ARIH2: variants seen among roughly 807,000 people sequenced by gnomAD.
ARIH2 encodes E3 ubiquitin-protein ligase ARIH2.
Under a neutral mutation model 79.8 loss-of-function variants are expected in ARIH2, and 12 were observed. That is an observed-to-expected ratio of 0.15 (90% CI 0.10 to 0.24). ARIH2 has a LOEUF of 0.24. Ranked by LOEUF, ARIH2 falls within the 10% of genes least tolerant of loss-of-function variation. The pLI is 1.00. For missense variants in ARIH2, 301 were observed against 618.3 expected, an observed-to-expected ratio of 0.49 and a Z score of 5.44; for synonymous variants, 224 against 213.9, an observed-to-expected ratio of 1.05 and a Z score of -0.41.
At chr3:48,978,534 G>T (rs1382377959) in intron 11 of ARIH2, among the ~76,000 whole-genome samples, 20 of 142,886 alleles carry the variant, frequency 1.4e-4, no homozygotes, top group Non-Finnish European at 2.4e-4. Flanking sequence ...GGCCAGGCTG[G>T]TCTCAAATTC....
At position 48,927,502 on chromosome 3, in the gene ARIH2, G is replaced by C. The variant is rs1377457199; in HGVS notation, c.-57G>C. 1.3e-6 allele frequency: 2 copies of C among 1,579,708 alleles called. No individual in the cohort carries two copies. The highest frequency in any genetic ancestry group is 2.3e-5 in the South Asian group (2 of 85,228). On this transcript the variant is annotated 5_prime_UTR_variant, in exon 3 of 16. Coordinates refer to ENST00000356401, the MANE Select transcript of ARIH2 (RefSeq NM_006321.4). Reference sequence around the variant, plus strand: ...ATGCATTTGAGAAAGCGGTAGTTTTGGGGGGAGGGGGAAAAAGCAACTGCT... The same window carrying C: ...ATGCATTTGAGAAAGCGGTAGTTTTCGGGGGAGGGGGAAAAAGCAACTGCT...
rs575589405 is a variant in ARIH2, at chr3:48,939,166, C to G, written c.255+11353C>G. ...TATTTTAAGTAGAGGTGGGGTTTCACCATGTTGGCCAGGCTGGTCTTGAAC... is the reference window on the plus strand; with the variant it reads ...TATTTTAAGTAGAGGTGGGGTTTCAGCATGTTGGCCAGGCTGGTCTTGAAC... On this transcript the variant is annotated intron_variant, in intron 3 of 15. Transcript: ENST00000356401. 2.8e-3 allele frequency among the ~76,000 whole-genome samples: 430 copies of G among 152,120 alleles called. 4 individuals are homozygous for G. Among genetic ancestry groups the G allele is most frequent in the African/African-American group, 9.8e-3 (408 of 41,502 alleles).
intron 11 of ARIH2, among the ~76,000 whole-genome samples, chr3:48,977,492 C>CG (rs2092571694): frequency 6.6e-6 from 1 of 151,650 alleles, no homozygotes; most frequent in Non-Finnish European, 1.5e-5. Flanking sequence ...GAGTCTCACT[C>CG]TGTCGCCTGG....
intron 8 of ARIH2, among the ~76,000 whole-genome samples, chr3:48,971,959 T>C (rs1157393458): frequency 6.6e-6 from 1 of 152,166 alleles, no homozygotes; most frequent in Non-Finnish European, 1.5e-5. Context: ...CCGACGAATA[T>C]TGGAGTGTCT....
intron 11 of ARIH2, among the ~76,000 whole-genome samples, chr3:48,978,421 ATGTGTGTGTGTGTG>A (rs1188251261): frequency 3.6e-4 from 20 of 55,758 alleles, no homozygotes; most frequent in Admixed American, 2.6e-3. Flanking sequence ...TAATTTGTGT[ATGTGTGTGTGTGTG>A]TGTGTGTGTG....
In ARIH2 at chr3:48,984,120, G is replaced by C. The variant is rs2092840630; in HGVS notation, c.*850G>C. On this transcript the variant is annotated 3_prime_UTR_variant, in exon 16 of 16. Coordinates refer to ENST00000356401, the MANE Select transcript of ARIH2 (RefSeq NM_006321.4). ...TTGCCTTTTGTCTCCTAAAGATAGG[G>C]ATCTACTTTTGAAGGGAATTGTTCC... The C allele has an allele frequency of 6.6e-6, 1 of 152,584 alleles. No individual in the cohort carries two copies. Among genetic ancestry groups the C allele is most frequent in the African/African-American group, 2.4e-5 (1 of 41,440 alleles). 9.5% of individuals were successfully genotyped at this position (152,584 alleles called of 1,614,324 possible).
chr3:48,972,042 G>C (rs1219413590), intron 8 of ARIH2, among the ~76,000 whole-genome samples: 1 of 152,036 alleles, frequency 6.6e-6, no homozygotes, highest in Admixed American at 6.6e-5. Flanking sequence ...TCTGGCATTT[G>C]TGCATTCTTG....
At chr3:48,945,809 T>G (rs1236358240) in intron 3 of ARIH2, among the ~76,000 whole-genome samples, 1 of 152,190 alleles carries the variant, frequency 6.6e-6, no homozygotes, top group Non-Finnish European at 1.5e-5. Context: ...TATCACAATC[T>G]GCTTACACTG....
At chr3:48,960,241 T>C (rs537161938) in intron 3 of ARIH2, among the ~76,000 whole-genome samples, 44 of 152,266 alleles carry the variant, frequency 2.9e-4, no homozygotes, top group African/African-American at 1.0e-3. Context: ...AACTTCCCAA[T>C]TACGATTATA....
chr3:48,964,566 C>G (rs371567965), intron 4 of ARIH2, among the ~76,000 whole-genome samples: 1 of 152,118 alleles, frequency 6.6e-6, no homozygotes. Flanking sequence ...CTGCCCGCCT[C>G]GGCCTCCCAA....
intron 3 of ARIH2, among the ~76,000 whole-genome samples, chr3:48,932,489 C>T (rs1441169478): frequency 6.6e-6 from 1 of 152,124 alleles, no homozygotes; most frequent in East Asian, 1.9e-4. Context: ...CTTCTTGTAA[C>T]CATAAGCATT....
intron 3 of ARIH2, chr3:48,928,090 A>T (rs1198992831): frequency 2.4e-6 from 1 of 423,164 alleles, no homozygotes; most frequent in African/African-American, 2.0e-5. Flanking sequence ...GTAGTAGCAG[A>T]ATTGCACAAC....
intron 3 of ARIH2, among the ~76,000 whole-genome samples, chr3:48,939,493 C>CA (rs1430552206): frequency 1.3e-5 from 2 of 151,944 alleles, no homozygotes; most frequent in Admixed American, 1.3e-4. Context: ...CGCGGTGACT[C>CA]ACGCCTGTAA....
At chr3:48,941,574 T>G (rs1460341355) in intron 3 of ARIH2, among the ~76,000 whole-genome samples, 1 of 151,956 alleles carries the variant, frequency 6.6e-6, no homozygotes, top group African/African-American at 2.4e-5. Context: ...TTATGAACTA[T>G]TGATTTTTCT....
At chr3:48,956,112 A>G (rs777500735) in intron 3 of ARIH2, among the ~76,000 whole-genome samples, 36 of 151,698 alleles carry the variant, frequency 2.4e-4, no homozygotes, top group East Asian at 1.7e-3. Context: ...TCTGTGTACT[A>G]TCAACCTAAT....
chr3:48,934,865 A>G, intron 3 of ARIH2: 3 of 985,314 alleles, frequency 3.0e-6, no homozygotes, highest in Non-Finnish European at 3.6e-6. Context: ...CATCAGATTC[A>G]AGGCCAGCTT....
At chr3:48,927,171 A>C (rs1220460188) in intron 2 of ARIH2, 1 of 215,536 alleles carries the variant, frequency 4.6e-6, no homozygotes, top group Non-Finnish European at 9.4e-6. Flanking sequence ...CAAGAATAAC[A>C]AGTTCATTGG....
At chr3:48,974,080 T>G (rs1321217941) in intron 9 of ARIH2, among the ~76,000 whole-genome samples, 2 of 152,174 alleles carry the variant, frequency 1.3e-5, no homozygotes, top group African/African-American at 2.4e-5. Flanking sequence ...AGAAGAGAAC[T>G]AATTATGATT....
chr3:48,972,545 G>A (rs2092294754), intron 8 of ARIH2, among the ~76,000 whole-genome samples: 2 of 152,186 alleles, frequency 1.3e-5, no homozygotes, highest in Non-Finnish European at 2.9e-5. Context: ...TCAGGAGGCT[G>A]AGGCAGGAAA....
Sources: allele counts gnomAD v4.1 joint callset (sites outside exome capture counted in the v4.1 genomes callset), GRCh38; gene constraint gnomAD v4.1.1; transcripts MANE v1.5; gene names NCBI Gene and HGNC (gene_info 2026-07-23, HGNC 2026-07-21).